Variants in UGP2 observed in about 807,000 individuals in gnomAD.
UGP2 encodes UTP--glucose-1-phosphate uridylyltransferase.
A neutral mutation model predicts 49.0 loss-of-function variants in UGP2; 40 were observed. The ratio of observed to expected loss-of-function variants is 0.82; its 90% CI spans 0.63 to 1.06. UGP2 has a LOEUF of 1.06. Among genes scored for constraint, UGP2 ranks in the 50% least tolerant of loss-of-function variants. The pLI, the probability that UGP2 is intolerant of heterozygous loss-of-function variation, is 0.00. For synonymous variants in UGP2, 225 were observed against 213.0 expected (o/e 1.06, Z -0.49); for missense variants, 460 against 603.5 (o/e 0.76, Z 2.49).
intron 3 of UGP2, among the ~76,000 whole-genome samples, chr2:63,860,228 T>G (rs750840597): frequency 3.3e-5 from 5 of 152,260 alleles, no homozygotes; most frequent in Non-Finnish European, 5.9e-5. Context: ...CATGTCAGCC[T>G]TATATCAAAG....
At chr2:63,861,155 TAAA>T (rs1459190108) in intron 3 of UGP2, among the ~76,000 whole-genome samples, 1 of 151,900 alleles carries the variant, frequency 6.6e-6, no homozygotes, top group Non-Finnish European at 1.5e-5. Context: ...ACTACATAAG[TAAA>T]AAAATTTTTA....
intron 3 of UGP2, among the ~76,000 whole-genome samples, chr2:63,864,556 C>G (rs1670053079): frequency 6.6e-6 from 1 of 152,146 alleles, no homozygotes; most frequent in Non-Finnish European, 1.5e-5. Flanking sequence ...TAATGCAAGA[C>G]ACAGTGGGGG....
At chr2:63,853,475 G>A (rs147756158) in intron 1 of UGP2, among the ~76,000 whole-genome samples, 1,865 of 152,130 alleles carry the variant, frequency 0.012, 17 homozygotes, top group Non-Finnish European at 0.015. Flanking sequence ...GATTAAGTGC[G>A]CTCTCCAATT....
intron 1 of UGP2, among the ~76,000 whole-genome samples, chr2:63,843,881 TTTCTTTTTCTTTC>T (rs1575794194): frequency 6.6e-6 from 1 of 152,044 alleles, no homozygotes; most frequent in African/African-American, 2.4e-5. Context: ...TTTTTTCTTT[TTTCTTTTTCTTTC>T]TTCTTTTTTT....
At chr2:63,880,250 T>C (rs1671212027) in intron 3 of UGP2, among the ~76,000 whole-genome samples, 1 of 144,768 alleles carries the variant, frequency 6.9e-6, no homozygotes, top group African/African-American at 2.5e-5. Flanking sequence ...CACAGCTTAC[T>C]TGAGCCTTGA....
intron 5 of UGP2, among the ~76,000 whole-genome samples, chr2:63,884,875 C>T (rs1369502972): frequency 2.0e-5 from 3 of 150,448 alleles, no homozygotes; most frequent in Non-Finnish European, 4.4e-5. Flanking sequence ...CCAGCCTAGG[C>T]AACAGAGCAA....
Position 63,841,965 on chromosome 2 carries a change from G to A in UGP2, c.-221G>A, listed in dbSNP as rs1671576875. ...TCCCAAACCGACTCAGTCGCACCAAGTTTCCGTCTTTTGGAATTGGGGAAG... is the reference window on the plus strand; with the variant it reads ...TCCCAAACCGACTCAGTCGCACCAAATTTCCGTCTTTTGGAATTGGGGAAG... On this transcript the variant is annotated 5_prime_UTR_variant, in exon 1 of 10. Coordinates refer to ENST00000337130, the MANE Select transcript of UGP2 (RefSeq NM_006759.4). The A allele has an allele frequency of 1.9e-6, 1 of 518,174 alleles. No homozygotes were observed. Among genetic ancestry groups the A allele is most frequent in the South Asian group, 5.0e-5 (1 of 19,832 alleles). 32.1% of individuals were successfully genotyped at this position (518,174 alleles called of 1,614,324 possible).
rs142961141 is a variant in UGP2, at chr2:63,878,082, G to A, written c.256-4384G>A. Among the ~76,000 whole-genome samples the A allele has an allele frequency of 3.8e-3, 567 of 149,208 alleles. 1 individual carries two copies. Among genetic ancestry groups the A allele is most frequent in the African/African-American group, 0.013 (537 of 40,736 alleles). On this transcript the variant is annotated intron_variant, in intron 3 of 9. Coordinates refer to ENST00000337130, the MANE Select transcript of UGP2 (RefSeq NM_006759.4). ...TTGGTTATTTCTTAGCAGTTCTGGCGATTGAACTGTTGTTAGTAAGTCCTG... is the reference window on the plus strand; with the variant it reads ...TTGGTTATTTCTTAGCAGTTCTGGCAATTGAACTGTTGTTAGTAAGTCCTG...
Position 63,882,670 on chromosome 2 carries a change from T to G in UGP2, c.441+19T>G. The stretch of plus-strand genomic sequence containing the variant: ...AATTGAAGTGAGTAACATTTAGCCT[T>G]TCTCATGAGATACTAAAATAGTTTT... On this transcript the variant is annotated intron_variant, in intron 4 of 9. Coordinates refer to ENST00000337130, the MANE Select transcript of UGP2 (RefSeq NM_006759.4). 3 of 1,495,064 alleles carry G rather than the reference T, an allele frequency of 2.0e-6. No individual in the cohort carries two copies. Among genetic ancestry groups the G allele is most frequent in the South Asian group, 1.4e-5 (1 of 69,150 alleles). 92.6% of individuals were successfully genotyped at this position (1,495,064 alleles called of 1,614,324 possible). A position where few individuals can be genotyped will look rare whatever the true frequency, so the allele number is the denominator to read the frequency against.
At chr2:63,876,102 T>C (rs1670889350) in intron 3 of UGP2, among the ~76,000 whole-genome samples, 2 of 152,078 alleles carry the variant, frequency 1.3e-5, no homozygotes. Context: ...AGTGTGACTT[T>C]AGCTGTTGCT....
chr2:63,873,488 TG>T (rs1670700731), intron 3 of UGP2, among the ~76,000 whole-genome samples: 1 of 152,164 alleles, frequency 6.6e-6, no homozygotes, highest in Admixed American at 6.5e-5. Context: ...TTTGTTTTTT[TG>T]GGGGTGGTGA....
intron 8 of UGP2, chr2:63,888,207 CATTGAGTTG>C (rs1420645364): frequency 6.5e-6 from 1 of 154,294 alleles, no homozygotes; most frequent in Non-Finnish European, 1.4e-5. Context: ...CAGGCAGCCT[CATTGAGTTG>C]ATTGAGTCTG....
chr2:63,888,054 G>A (rs1671810287), intron 8 of UGP2: 1 of 163,870 alleles, frequency 6.1e-6, no homozygotes, highest in Non-Finnish European at 1.3e-5. Flanking sequence ...CATTCTAGTG[G>A]GGAAAGGATG....
At chr2:63,887,109 C>G (rs539998245) in intron 7 of UGP2, among the ~76,000 whole-genome samples, 2 of 151,994 alleles carry the variant, frequency 1.3e-5, no homozygotes, top group South Asian at 4.2e-4. Flanking sequence ...ACTAAAAATA[C>G]AAAAAACTAG....
chr2:63,890,041 C>T, intron 8 of UGP2, 40 bp from the exon 9 acceptor site: 2 of 1,467,184 alleles, frequency 1.4e-6, no homozygotes, highest in Non-Finnish European at 1.9e-6. Flanking sequence ...TTCTTTGAAC[C>T]CATTTGAGAC....
chr2:63,842,013 T>C lies in UGP2; in HGVS notation c.-173T>C. 2.7e-6 allele frequency: 2 copies of C among 730,764 alleles called. No individual in the cohort carries two copies. Among genetic ancestry groups the C allele is most frequent in the Non-Finnish European group, 4.0e-6 (2 of 505,784 alleles). 45.3% of individuals were successfully genotyped at this position (730,764 alleles called of 1,614,324 possible). ...AAGGAGTTTCTTTCTTTCTTTTCTT[T>C]TTTCTTGAGCCAGTTTTAATCGCTT... On this transcript the variant is annotated 5_prime_UTR_variant, in exon 1 of 10. Transcript: ENST00000337130.
chr2:63,884,117 C>G, intron 5 of UGP2, 24 bp downstream of exon 5: 1 of 1,610,104 alleles, frequency 6.2e-7, no homozygotes, highest in Non-Finnish European at 8.5e-7. Flanking sequence ...AAAATTAACT[C>G]TGGGTATGTT....
intron 5 of UGP2, 143 bp from the exon 6 acceptor site, chr2:63,885,446 A>G: frequency 1.5e-6 from 1 of 684,164 alleles, no homozygotes; most frequent in East Asian, 3.3e-5. Context: ...ATTTTCTTAA[A>G]TGGATTCACC....
chr2:63,881,665 G>A (rs1003571758), intron 3 of UGP2, among the ~76,000 whole-genome samples: 4 of 152,194 alleles, frequency 2.6e-5, no homozygotes, highest in Admixed American at 1.3e-4. Context: ...TGTAAGTTGT[G>A]TCACTGTTCC....
Sources: gnomAD v4.1 joint callset for allele counts (sites outside exome capture counted in the v4.1 genomes callset) on GRCh38, gnomAD v4.1.1 for gene constraint, MANE v1.5 for transcripts, NCBI Gene and HGNC (gene_info 2026-07-23, HGNC 2026-07-21) for gene names.